Variants in ZNF544 observed in about 807,000 individuals in gnomAD.
ZNF544 encodes the protein zinc finger protein AF020591.
A neutral mutation model predicts 13.5 loss-of-function variants in ZNF544; 10 were observed. The ratio of observed to expected loss-of-function variants is 0.74; its 90% CI spans 0.46 to 1.25. The LOEUF (loss-of-function observed/expected upper bound fraction) is 1.25. Ranked by LOEUF, ZNF544 falls within the 50% of genes most tolerant of loss-of-function variation. The pLI is 0.00. For synonymous variants in ZNF544, 323 were observed against 300.5 expected (o/e 1.07, Z -0.77); for missense variants, 896 against 845.6 (o/e 1.06, Z -0.74).
At chr19:58,256,846 G>T (rs2147466614) in intron 6 of ZNF544, among the ~76,000 whole-genome samples, 1 of 152,338 alleles carries the variant, frequency 6.6e-6, no homozygotes, top group South Asian at 2.1e-4. Flanking sequence ...CCCAGCTAGA[G>T]AGAGTCTTAT....
At chr19:58,274,612 T>C (rs1026846020) in intron 5 of ZNF544, among the ~76,000 whole-genome samples, 31 of 152,326 alleles carry the variant, frequency 2.0e-4, no homozygotes, top group African/African-American at 6.7e-4. Flanking sequence ...CCATTTGTGG[T>C]ATGTTGTTAC....
chr19:58,270,419 A>G (rs939201238), intron 5 of ZNF544, among the ~76,000 whole-genome samples: 3 of 150,912 alleles, frequency 2.0e-5, no homozygotes, highest in African/African-American at 7.3e-5. Flanking sequence ...CTCCTGCCTC[A>G]GCCTCCTGAG....
At chr19:58,231,322 T>C (rs1225863074) in intron 3 of ZNF544, among the ~76,000 whole-genome samples, 1 of 152,158 alleles carries the variant, frequency 6.6e-6, no homozygotes, top group African/African-American at 2.4e-5. Flanking sequence ...TCAGTTAAAT[T>C]TTACTCAAGT....
intron 3 of ZNF544, among the ~76,000 whole-genome samples, chr19:58,234,489 G>A (rs1008222110): frequency 8.5e-5 from 13 of 152,250 alleles, no homozygotes; most frequent in Non-Finnish European, 1.6e-4. Context: ...TTACATCCCT[G>A]GCCTGGAGCC....
At chr19:58,233,496 CAT>C (rs1365670366) in intron 3 of ZNF544, among the ~76,000 whole-genome samples, 4 of 152,188 alleles carry the variant, frequency 2.6e-5, no homozygotes, top group East Asian at 1.9e-4. Flanking sequence ...AACTTCAACA[CAT>C]GTCTTAGAAT....
In ZNF544 at chr19:58,262,542, T is replaced by C. The variant is rs752025027; in HGVS notation, c.1936T>C (p.Tyr646His). 5.0e-6 allele frequency: 8 copies of C among 1,613,854 alleles called. No homozygotes were observed. The highest frequency in any genetic ancestry group is 4.0e-5 in the African/African-American group (3 of 74,896). ...QCNKAFARSS[Y>H]LVMHQRTHTG... ...CAATAAAGCCTTTGCAAGGAGCTCCTACCTTGTGATGCATCAGAGAACTCA... is the reference window on the plus strand; with the variant it reads ...CAATAAAGCCTTTGCAAGGAGCTCCCACCTTGTGATGCATCAGAGAACTCA... Residue 646 changes from tyrosine to histidine, a missense_variant, in exon 7 of 7, where the codon TAC becomes CAC. Transcript: ENST00000687789.
intron 6 of ZNF544, among the ~76,000 whole-genome samples, chr19:58,255,575 G>C (rs1433184989): frequency 1.3e-5 from 2 of 152,214 alleles, no homozygotes; most frequent in Non-Finnish European, 2.9e-5. Flanking sequence ...CTGAGATGTA[G>C]AATGTCTACT....
downstream of ZNF544, among the ~76,000 whole-genome samples, chr19:58,268,922 T>C (rs965986004): frequency 6.6e-6 from 1 of 152,264 alleles, no homozygotes; most frequent in African/African-American, 2.4e-5. Context: ...TCAAGGAAGT[T>C]AGTTTATAAA....
chr19:58,250,124 G>C (rs1229761173), intron 6 of ZNF544, among the ~76,000 whole-genome samples: 1 of 152,174 alleles, frequency 6.6e-6, no homozygotes, highest in South Asian at 2.1e-4. Flanking sequence ...GTTCCACACA[G>C]GTAAAAGGCT....
chr19:58,272,793 G>A (rs953162437), intron 5 of ZNF544, among the ~76,000 whole-genome samples: 5 of 149,938 alleles, frequency 3.3e-5, no homozygotes, highest in South Asian at 4.2e-4. Flanking sequence ...CTTGAACCGG[G>A]ACCTGGGAGG....
At chr19:58,264,264 G>C (rs1452357860), downstream of ZNF544, among the ~76,000 whole-genome samples, 2 of 151,494 alleles carry the variant, frequency 1.3e-5, no homozygotes, top group Non-Finnish European at 2.9e-5. Context: ...TGTGGTGGTG[G>C]TAATCCCAGC....
chr19:58,262,817 G>A lies in ZNF544; in HGVS notation c.*63G>A, dbSNP rs943856034. 4.1e-5 allele frequency: 62 copies of A among 1,530,690 alleles called. No individual in the cohort carries two copies. The highest frequency in any genetic ancestry group is 3.6e-4 in the Middle Eastern group (2 of 5,596). The allele number at this position is 1,530,690 out of a possible 1,614,324, so 94.8% of individuals were successfully genotyped here. A position where few individuals can be genotyped will look rare whatever the true frequency, so the allele number is the denominator to read the frequency against. On this transcript the variant is annotated 3_prime_UTR_variant, in exon 7 of 7. Coordinates refer to ENST00000687789, the MANE Select transcript of ZNF544 (RefSeq NM_014480.4). Reference sequence around the variant, plus strand: ...CTCCCCTCATCATGCACCAGAGGACGCATGTCGGTGGGAAGAGCTATCAGT... The same window carrying A: ...CTCCCCTCATCATGCACCAGAGGACACATGTCGGTGGGAAGAGCTATCAGT...
chr19:58,244,002 C>G lies in ZNF544; in HGVS notation c.-22C>G. The G allele has an allele frequency of 6.2e-7, 1 of 1,604,612 alleles. No homozygotes were observed. The highest frequency in any genetic ancestry group is 8.5e-7 in the Non-Finnish European group (1 of 1,175,364). ...AGGACCTCTGCCCTCTACACAGCGG[C>G]CTCTTCAGGTGCAGGGAGGAAATGG... On this transcript the variant is annotated 5_prime_UTR_variant, in exon 4 of 7. Transcript: ENST00000687789.
In ZNF544 at chr19:58,262,953, C is replaced by A. The variant is rs770318094; in HGVS notation, c.*199C>A. On this transcript the variant is annotated 3_prime_UTR_variant, in exon 7 of 7. Transcript: ENST00000687789. ...GGGAAAGCCTTCAATGATCGCTCAACCCTTAGTAAACACGAGAGGACACAC... is the reference window on the plus strand; with the variant it reads ...GGGAAAGCCTTCAATGATCGCTCAAACCTTAGTAAACACGAGAGGACACAC... 1 of 1,390,560 alleles carries A rather than the reference C, an allele frequency of 7.2e-7. No homozygotes were observed. The highest frequency in any genetic ancestry group is 9.3e-7 in the Non-Finnish European group (1 of 1,074,022). 86.1% of individuals were successfully genotyped at this position (1,390,560 alleles called of 1,614,324 possible). A position where few individuals can be genotyped will look rare whatever the true frequency, so the allele number is the denominator to read the frequency against.
downstream of ZNF544, among the ~76,000 whole-genome samples, chr19:58,267,908 GAGAAGGAGC>G (rs2050135212): frequency 4.0e-5 from 6 of 151,736 alleles, no homozygotes; most frequent in Admixed American, 3.9e-4. Context: ...GTGAACTCAG[GAGAAGGAGC>G]TTGCAGTGAG....
chr19:58,272,291 T>C (rs1194788796), intron 5 of ZNF544, among the ~76,000 whole-genome samples: 2 of 151,988 alleles, frequency 1.3e-5, no homozygotes, highest in Admixed American at 6.6e-5. Flanking sequence ...TGGATGGGTG[T>C]GGTGGCTTAC....
chr19:58,251,012 A>T (rs192333426), intron 6 of ZNF544, among the ~76,000 whole-genome samples: 1 of 152,344 alleles, frequency 6.6e-6, no homozygotes, highest in East Asian at 1.9e-4. Flanking sequence ...GGTCCTGTAT[A>T]CACAGGCTGT....
Position 58,261,027 on chromosome 19 carries a change from A to C in ZNF544, c.421A>C (p.Arg141=). 2.5e-6 allele frequency: 4 copies of C among 1,614,192 alleles called. No individual in the cohort carries two copies. The highest frequency in any genetic ancestry group is 3.4e-6 in the Non-Finnish European group (4 of 1,180,034). Residue 141 remains arginine, a synonymous_variant, in exon 7 of 7, where the codon AGG becomes CGG. Transcript: ENST00000687789. ...AAGGGAACACCAGGAGAACTCCTTG[A>C]GGTTCATGGTACTCACCTCAGAGAG... The part of the protein sequence containing the change: ...QLREHQENSL[R]FMVLTSERLF...
chr19:58,262,428 G>A lies in ZNF544; in HGVS notation c.1822G>A (p.Glu608Lys), dbSNP rs774187195. ...TGGAGAAAAGCCCTATGAATGTAAC[G>A]AGTGTGGAAAAGCCTTCAATCGAAG... ...HTGEKPYECN[E>K]CGKAFNRSTQ... is the part of the protein sequence containing the mutation. Residue 608 changes from glutamate to lysine, a missense_variant, in exon 7 of 7, where the codon GAG becomes AAG. Glu to Lys is a moderately conservative substitution (Grantham distance 56). Transcript: ENST00000687789. 25 of 1,614,184 alleles carry A rather than the reference G, an allele frequency of 1.5e-5. No homozygotes were observed. The highest frequency in any genetic ancestry group is 8.9e-5 in the East Asian group (4 of 44,892).
Sources: gnomAD v4.1 joint callset for allele counts (sites outside exome capture counted in the v4.1 genomes callset) on GRCh38, gnomAD v4.1.1 for gene constraint, MANE v1.5 for transcripts, NCBI Gene and HGNC (gene_info 2026-07-23, HGNC 2026-07-21) for gene names.